DRC8: variants seen among roughly 807,000 people sequenced by gnomAD.
The protein encoded by DRC8 is dynein regulatory complex subunit 8.
the DRC8 span, chr1:244,970,098 G>GT: frequency 1.5e-6 from 1 of 673,292 alleles, no homozygotes; most frequent in Admixed American, 2.6e-5. Context: ...GAAAGGAGGG[G>GT]TTGGGGACCG....
the DRC8 span, among the ~76,000 whole-genome samples, chr1:244,974,125 C>A: frequency 6.6e-6 from 1 of 152,126 alleles, no homozygotes; most frequent in African/African-American, 2.4e-5. Flanking sequence ...CCAAAGTTTC[C>A]TCAGCCAGAA....
At chr1:245,033,038 A>G in the DRC8 span, among the ~76,000 whole-genome samples, 1 of 152,082 alleles carries the variant, frequency 6.6e-6, no homozygotes, top group Non-Finnish European at 1.5e-5. Flanking sequence ...TTAGGATGGT[A>G]GATCCATTGG....
At chr1:245,062,891 A>G in the DRC8 span, among the ~76,000 whole-genome samples, 1 of 152,010 alleles carries the variant, frequency 6.6e-6, no homozygotes, top group Non-Finnish European at 1.5e-5. Context: ...TGCTCAAACA[A>G]CTCTGCTTGG....
the DRC8 span, among the ~76,000 whole-genome samples, chr1:245,072,860 TG>T: frequency 6.6e-6 from 1 of 152,080 alleles, no homozygotes; most frequent in Non-Finnish European, 1.5e-5. Context: ...CACTCTCTCT[TG>T]CTCCTGTTCT....
chr1:245,117,143 C>G, the DRC8 span, among the ~76,000 whole-genome samples: 1 of 152,168 alleles, frequency 6.6e-6, no homozygotes, highest in Non-Finnish European at 1.5e-5. Context: ...ACCTCTGCTT[C>G]CCGGGTTCCA....
chr1:245,009,039 T>TTC, the DRC8 span, among the ~76,000 whole-genome samples: 1 of 129,438 alleles, frequency 7.7e-6, no homozygotes, highest in African/African-American at 2.9e-5. Flanking sequence ...TTTTTTTTTT[T>TTC]TTTTTTTTTT....
At chr1:245,059,410 A>G in the DRC8 span, 1 of 1,612,138 alleles carries the variant, frequency 6.2e-7, no homozygotes, top group South Asian at 1.1e-5. Context: ...TTATCAGGTC[A>G]TTAGGATGCT....
the DRC8 span, among the ~76,000 whole-genome samples, chr1:245,020,827 A>G: frequency 6.7e-6 from 1 of 149,394 alleles, no homozygotes; most frequent in Non-Finnish European, 1.5e-5. Flanking sequence ...ACGGGGTTTC[A>G]CCATGTTGTC....
At chr1:245,017,369 A>G in the DRC8 span, 1 of 1,545,274 alleles carries the variant, frequency 6.5e-7, no homozygotes, top group Non-Finnish European at 8.7e-7. Context: ...TAAATTACTG[A>G]TACAAGTCAT....
At chr1:245,000,128 T>C in the DRC8 span, among the ~76,000 whole-genome samples, 4 of 152,244 alleles carry the variant, frequency 2.6e-5, no homozygotes, top group African/African-American at 9.6e-5. Context: ...CAATAAAGTT[T>C]AATTTTTAAA....
chr1:245,119,170 GA>G, the DRC8 span, among the ~76,000 whole-genome samples: 1 of 152,026 alleles, frequency 6.6e-6, no homozygotes, highest in African/African-American at 2.4e-5. Flanking sequence ...TAATTAAACA[GA>G]AAAAAAGAGT....
At chr1:245,106,869 C>T in the DRC8 span, among the ~76,000 whole-genome samples, 158 of 152,266 alleles carry the variant, frequency 1.0e-3, no homozygotes, top group Admixed American at 1.8e-3. Flanking sequence ...CATGGCAAAA[C>T]CCCGTCTCTA....
the DRC8 span, chr1:245,017,431 T>C: frequency 1.7e-6 from 2 of 1,165,294 alleles, no homozygotes; most frequent in Non-Finnish European, 2.3e-6. Context: ...GGATTTATTA[T>C]GCTCTTTTAA....
At chr1:245,116,983 C>T in the DRC8 span, among the ~76,000 whole-genome samples, 5 of 152,314 alleles carry the variant, frequency 3.3e-5, no homozygotes, top group South Asian at 1.0e-3. Flanking sequence ...TTCTTTTCAC[C>T]AATACTGGGA....
chr1:245,065,073 CTTTTTTTTTTTTT>C, the DRC8 span, among the ~76,000 whole-genome samples: 15 of 81,566 alleles, frequency 1.8e-4, no homozygotes, highest in East Asian at 1.4e-3. Context: ...TAACATTCTT[CTTTTTTTTTTTTT>C]TTTTTTTTTT....
At chr1:245,105,005 C>T in the DRC8 span, among the ~76,000 whole-genome samples, 238 of 152,242 alleles carry the variant, frequency 1.6e-3, 1 homozygote, top group African/African-American at 5.0e-3. Flanking sequence ...TAGAATTGTC[C>T]GCACGTTGGA....
the DRC8 span, among the ~76,000 whole-genome samples, chr1:245,113,910 C>G: frequency 1.3e-5 from 2 of 152,116 alleles, no homozygotes; most frequent in African/African-American, 2.4e-5. Flanking sequence ...CAGACCTGCC[C>G]GACTCCACGG....
chr1:245,055,400 G>A, the DRC8 span, among the ~76,000 whole-genome samples: 1 of 152,150 alleles, frequency 6.6e-6, no homozygotes, highest in Non-Finnish European at 1.5e-5. Flanking sequence ...GTCCACTGCA[G>A]CCTTGAACTC....
At chr1:245,074,500 G>C in the DRC8 span, among the ~76,000 whole-genome samples, 1 of 152,134 alleles carries the variant, frequency 6.6e-6, no homozygotes, top group Non-Finnish European at 1.5e-5. Flanking sequence ...TGGTCTGACA[G>C]GCACTGCTGC....
Sources: gnomAD v4.1 joint callset for allele counts (sites outside exome capture counted in the v4.1 genomes callset) on GRCh38, gnomAD v4.1.1 for gene constraint, MANE v1.5 for transcripts, NCBI Gene and HGNC (gene_info 2026-07-23, HGNC 2026-07-21) for gene names.